Variants in PLXNA4 observed in about 807,000 individuals in gnomAD.
PLXNA4 encodes the protein plexin A4.
In PLXNA4, 44 loss-of-function variants were observed where a neutral mutation model predicts 191.8. The observed-to-expected ratio is 0.23, with a 90% CI of 0.18 to 0.29. The LOEUF (loss-of-function observed/expected upper bound fraction) is 0.29. PLXNA4 is among the 10% of genes least tolerant of loss of function. The probability of loss-of-function intolerance (pLI) is 1.00; values close to 1 mark genes in which losing one functional copy is unlikely to be tolerated. For synonymous variants in PLXNA4, 1,082 were observed against 1,009.5 expected, an observed-to-expected ratio of 1.07 and a Z score of -1.36; for missense variants, 1,800 against 2,488.8, an observed-to-expected ratio of 0.72 and a Z score of 5.89.
chr7:132,435,306 G>T (rs79642314), intron 3 of PLXNA4, among the ~76,000 whole-genome samples: 8,885 of 152,082 alleles, frequency 0.058, 813 homozygotes, highest in African/African-American at 0.2. Flanking sequence ...AGGTGGGGAG[G>T]GGGGAGAGAT....
chr7:132,439,016 G>A (rs531553672), intron 3 of PLXNA4, among the ~76,000 whole-genome samples: 10 of 152,274 alleles, frequency 6.6e-5, no homozygotes, highest in Non-Finnish European at 1.2e-4. Context: ...AATTATTACC[G>A]TGTATAACGT....
intron 2 of PLXNA4, among the ~76,000 whole-genome samples, chr7:132,600,931 A>G (rs1003318804): frequency 6.6e-6 from 1 of 151,918 alleles, no homozygotes; most frequent in Non-Finnish European, 1.5e-5. Flanking sequence ...TTTTGTTGTT[A>G]GTTGTATTGA....
At chr7:132,275,862 TTTG>T (rs1800256987) in intron 4 of PLXNA4, among the ~76,000 whole-genome samples, 1 of 152,190 alleles carries the variant, frequency 6.6e-6, no homozygotes, top group Non-Finnish European at 1.5e-5. Flanking sequence ...GTGACTATAT[TTTG>T]TTATTTGCAT....
intron 30 of PLXNA4, among the ~76,000 whole-genome samples, chr7:132,139,255 A>G (rs1432857461): frequency 6.6e-6 from 1 of 152,200 alleles, no homozygotes; most frequent in Non-Finnish European, 1.5e-5. Flanking sequence ...AAACCCTTTT[A>G]GTGACACTAA....
intron 4 of PLXNA4, among the ~76,000 whole-genome samples, chr7:132,244,231 T>C (rs1798974222): frequency 6.6e-6 from 1 of 152,072 alleles, no homozygotes. Context: ...ACTGGGCGCG[T>C]TAGGTCTGAA....
At chr7:132,374,122 A>G (rs950031046) in intron 3 of PLXNA4, among the ~76,000 whole-genome samples, 3 of 152,222 alleles carry the variant, frequency 2.0e-5, no homozygotes, top group Admixed American at 6.5e-5. Flanking sequence ...GCTCCCGTTC[A>G]TTCCCATTTG....
intron 14 of PLXNA4, among the ~76,000 whole-genome samples, chr7:132,191,790 C>CTCTCTCTCTCTG (rs1428800606): frequency 1.8e-4 from 27 of 151,452 alleles, no homozygotes; most frequent in East Asian, 5.8e-4. Context: ...CTCTCTCTCT[C>CTCTCTCTCTCTG]TCTCTGTCTC....
At chr7:132,287,462 T>TA (rs1288193387) in intron 4 of PLXNA4, among the ~76,000 whole-genome samples, 2 of 152,120 alleles carry the variant, frequency 1.3e-5, no homozygotes, top group African/African-American at 2.4e-5. Context: ...ATTTTCTACA[T>TA]AAAAAACCAA....
intron 3 of PLXNA4, among the ~76,000 whole-genome samples, chr7:132,359,493 A>C (rs2116844635): frequency 6.6e-6 from 1 of 152,296 alleles, no homozygotes; most frequent in South Asian, 2.1e-4. Context: ...CTGGGATTAC[A>C]GGCATGAGCT....
chr7:132,143,522 C>T (rs569312423), intron 29 of PLXNA4, among the ~76,000 whole-genome samples: 3 of 152,238 alleles, frequency 2.0e-5, no homozygotes, highest in East Asian at 3.9e-4. Flanking sequence ...CAGCTAGGAC[C>T]GAGAGAAGTT....
intron 2 of PLXNA4, among the ~76,000 whole-genome samples, chr7:132,600,433 G>A (rs576523764): frequency 6.6e-5 from 10 of 152,274 alleles, no homozygotes; most frequent in South Asian, 4.1e-4. Context: ...GTGTGAGCAC[G>A]GCTCACTGCT....
chr7:132,397,930 G>T (rs1016438197), intron 3 of PLXNA4, among the ~76,000 whole-genome samples: 6 of 152,208 alleles, frequency 3.9e-5, no homozygotes, highest in African/African-American at 1.2e-4. Context: ...TCTCCTGACT[G>T]CCAGTCACCT....
intron 3 of PLXNA4, among the ~76,000 whole-genome samples, chr7:132,483,578 C>T (rs1168809502): frequency 2.6e-5 from 4 of 152,210 alleles, no homozygotes; most frequent in Admixed American, 2.0e-4. Flanking sequence ...TGTGTATCAG[C>T]TGACTGAATG....
chr7:132,377,487 T>C (rs1465241366), intron 3 of PLXNA4, among the ~76,000 whole-genome samples: 1 of 151,184 alleles, frequency 6.6e-6, no homozygotes, highest in East Asian at 1.9e-4. Flanking sequence ...AACTCCTCTG[T>C]TCCCCTGTGC....
At chr7:132,214,749 C>T (rs1483803218) in intron 9 of PLXNA4, among the ~76,000 whole-genome samples, 2 of 152,190 alleles carry the variant, frequency 1.3e-5, no homozygotes, top group Non-Finnish European at 2.9e-5. Context: ...AGGCTTCTCA[C>T]CCAGCAGGAG....
At chr7:132,241,559 C>T (rs1444019405) in intron 4 of PLXNA4, among the ~76,000 whole-genome samples, 1 of 152,196 alleles carries the variant, frequency 6.6e-6, no homozygotes, top group Non-Finnish European at 1.5e-5. Context: ...GTCATTCTCA[C>T]TCTCTCATGG....
intron 2 of PLXNA4, among the ~76,000 whole-genome samples, chr7:132,635,694 C>T (rs1251648430): frequency 6.6e-6 from 1 of 152,130 alleles, no homozygotes; most frequent in African/African-American, 2.4e-5. Flanking sequence ...CCTCAAACCC[C>T]CAACGAACCA....
chr7:132,180,532 A>G (rs1796669390), intron 19 of PLXNA4, 54 bp downstream of exon 19: 2 of 1,604,036 alleles, frequency 1.2e-6, no homozygotes, highest in Admixed American at 3.3e-5. Flanking sequence ...GCCTGAGCTC[A>G]CATCTGCATC....
intron 3 of PLXNA4, among the ~76,000 whole-genome samples, chr7:132,471,017 G>T (rs2117416346): frequency 6.6e-6 from 1 of 152,266 alleles, no homozygotes; most frequent in Non-Finnish European, 1.5e-5. Flanking sequence ...GGGGCCTTGG[G>T]GGGTGTGATT....
Sources: gnomAD v4.1 joint callset for allele counts (sites outside exome capture counted in the v4.1 genomes callset) on GRCh38, gnomAD v4.1.1 for gene constraint, MANE v1.5 for transcripts, NCBI Gene and HGNC (gene_info 2026-07-23, HGNC 2026-07-21) for gene names.